The following ACADL variants were observed in gnomAD, a reference collection of about 807,000 sequenced individuals.
The protein encoded by ACADL is acyl-CoA dehydrogenase long chain.
In ACADL, 60 loss-of-function variants were observed where a neutral mutation model predicts 56.9. That is an observed-to-expected ratio of 1.05 (90% CI 0.86 to 1.31). The LOEUF is 1.31. ACADL is among the 50% of genes most tolerant of loss of function. ACADL has a pLI of 0.00. For missense variants in ACADL, 484 were observed against 525.5 expected (o/e 0.92, Z 0.77); for synonymous variants, 158 against 179.7 (o/e 0.88, Z 0.97).
At position 210,210,238 on chromosome 2, in the gene ACADL, A is replaced by G. The variant is rs1325352143; in HGVS notation, c.561T>C (p.Asn187=). 1.2e-6 allele frequency: 2 copies of G among 1,612,390 alleles called. No homozygotes were observed. The highest frequency in any genetic ancestry group is 1.7e-5 in the Admixed American group (1 of 59,980). ...AGSDLQGIKT[N]AKKDGSDWIL... is the part of the protein sequence containing the mutation. ...TCCAGTCACTTCCATCCTTTTTAGC[A>G]TTTGTTTTTATTCCCTGTAAGTCAC... The change falls in exon 5 of 11, where the codon AAT becomes AAC. Residue 187 remains asparagine (N), a synonymous_variant. Transcript: ENST00000233710.
chr2:210,222,444 C>G (rs1375764732), intron 1 of ACADL, among the ~76,000 whole-genome samples: 3 of 146,474 alleles, frequency 2.0e-5, no homozygotes, highest in Non-Finnish European at 4.5e-5. Context: ...ATTGCTTGAG[C>G]TGAGGAGTTT....
chr2:210,191,736 C>A (rs979132623), intron 10 of ACADL, among the ~76,000 whole-genome samples: 1 of 152,054 alleles, frequency 6.6e-6, no homozygotes, highest in Non-Finnish European at 1.5e-5. Flanking sequence ...TTTTTAGAAG[C>A]CTATAGCATT....
intron 3 of ACADL, 145 bp from the exon 4 acceptor site, chr2:210,216,656 T>C (rs921638080): frequency 3.8e-6 from 3 of 787,530 alleles, no homozygotes; most frequent in Non-Finnish European, 6.0e-6. Context: ...GTGTTTTCTC[T>C]TTTTGTTTTT....
intron 4 of ACADL, among the ~76,000 whole-genome samples, chr2:210,212,750 T>C (rs1364007482): frequency 1.3e-5 from 2 of 152,262 alleles, no homozygotes; most frequent in Non-Finnish European, 2.9e-5. Flanking sequence ...ATCAAGATCA[T>C]ATTTATATGC....
At chr2:210,196,329 A>C (rs545915651) in intron 8 of ACADL, among the ~76,000 whole-genome samples, 13 of 151,918 alleles carry the variant, frequency 8.6e-5, no homozygotes, top group African/African-American at 3.1e-4. Flanking sequence ...AAATGGATGA[A>C]TACACCTCCC....
At chr2:210,212,425 C>T (rs189287827) in intron 4 of ACADL, among the ~76,000 whole-genome samples, 29 of 152,178 alleles carry the variant, frequency 1.9e-4, no homozygotes, top group East Asian at 1.5e-3. Context: ...AGGCAAGGAA[C>T]GCCAACAGCC....
chr2:210,222,377 C>T (rs539150517), intron 1 of ACADL, among the ~76,000 whole-genome samples: 3 of 151,768 alleles, frequency 2.0e-5, no homozygotes, highest in Middle Eastern at 3.4e-3. Context: ...ATGTAGTAGG[C>T]GGGGCTTGGT....
chr2:210,217,716 G>A (rs1267231180), intron 3 of ACADL: 4 of 447,320 alleles, frequency 8.9e-6, no homozygotes, highest in Middle Eastern at 6.3e-4. Flanking sequence ...GCATTGACAG[G>A]AAAAAAAAAC....
intron 8 of ACADL, among the ~76,000 whole-genome samples, chr2:210,195,967 A>G (rs1688704495): frequency 1.3e-5 from 2 of 152,210 alleles, no homozygotes; most frequent in Admixed American, 6.5e-5. Flanking sequence ...ATCCCTTCTG[A>G]TATGGTTTGG....
chr2:210,190,260 A>G (rs898818065), intron 10 of ACADL, among the ~76,000 whole-genome samples: 3 of 152,136 alleles, frequency 2.0e-5, no homozygotes, highest in Non-Finnish European at 4.4e-5. Context: ...GAAAGCTTTA[A>G]AAGCTTGAGA....
Position 210,205,653 on chromosome 2 carries a change from A to G in ACADL, c.747T>C (p.His249=), listed in dbSNP as rs1286089603. ...TCACCTGGGCTTTTAATCCCATTTTATGTAGCTTTCGTCCCTTGATAAATC... is the reference window on the plus strand; with the variant it reads ...TCACCTGGGCTTTTAATCCCATTTTGTGTAGCTTTCGTCCCTTGATAAATC... ...MKGFIKGRKL[H]KMGLKAQDTA... The change falls in exon 6 of 11, where the codon CAT becomes CAC. Residue 249 remains histidine (H), a synonymous_variant. Transcript: ENST00000233710. 2 of 1,613,896 alleles carry G rather than the reference A, an allele frequency of 1.2e-6. No individual in the cohort carries two copies. Among genetic ancestry groups the G allele is most frequent in the East Asian group, 2.2e-5 (1 of 44,854 alleles).
chr2:210,208,363 A>G (rs1046481817), intron 5 of ACADL, among the ~76,000 whole-genome samples: 2 of 152,226 alleles, frequency 1.3e-5, no homozygotes, highest in African/African-American at 4.8e-5. Flanking sequence ...AATCTGAACC[A>G]TTTCTACAAC....
At position 210,187,967 on chromosome 2, in the gene ACADL, TAAATC is replaced by T. The variant is rs757178332; in HGVS notation, c.*989_*993del. On this transcript the variant is annotated 3_prime_UTR_variant, in exon 11 of 11. Coordinates refer to ENST00000233710, the MANE Select transcript of ACADL (RefSeq NM_001608.4). ...ATTTTTTGTAATTACTTTTAAGTCT[TAAATC>T]AAATGTCATTTCCTCACTTTTGAAT... 4.0e-4 allele frequency: 61 copies of T among 152,360 alleles called. No homozygotes were observed. The highest frequency in any genetic ancestry group is 7.8e-4 in the Admixed American group (12 of 15,306). The allele number at this position is 152,360 out of a possible 1,614,324, so 9.4% of individuals were successfully genotyped here.
chr2:210,197,602 G>A (rs1415975911), intron 8 of ACADL, among the ~76,000 whole-genome samples: 1 of 152,144 alleles, frequency 6.6e-6, no homozygotes, highest in African/African-American at 2.4e-5. Flanking sequence ...TTAGTTCAAT[G>A]ACACTATGTA....
chr2:210,190,013 A>G (rs557804995), intron 10 of ACADL, among the ~76,000 whole-genome samples: 1 of 152,122 alleles, frequency 6.6e-6, no homozygotes, highest in East Asian at 1.9e-4. Flanking sequence ...TTCCTGGTAG[A>G]CACACTCAAA....
intron 5 of ACADL, among the ~76,000 whole-genome samples, chr2:210,206,134 C>T (rs1377330117): frequency 6.6e-6 from 1 of 151,644 alleles, no homozygotes; most frequent in African/African-American, 2.4e-5. Flanking sequence ...AGAAGGAAGC[C>T]ACTGATAAGA....
chr2:210,221,361 T>G (rs541630248), intron 1 of ACADL, among the ~76,000 whole-genome samples: 1 of 152,170 alleles, frequency 6.6e-6, no homozygotes, highest in Admixed American at 6.5e-5. Context: ...AAAATGGAAT[T>G]ATTTAAGACC....
At chr2:210,216,644 G>T in intron 3 of ACADL, 133 bp from the exon 4 acceptor site, 2 of 838,160 alleles carry the variant, frequency 2.4e-6, no homozygotes, top group Non-Finnish European at 3.7e-6. Context: ...TGACATTCCT[G>T]AGTGTTTTCT....
chr2:210,205,582 TTAACAGTA>T (rs1688872104), intron 6 of ACADL, 42 bp downstream of exon 6: 1 of 1,580,346 alleles, frequency 6.3e-7, no homozygotes, highest in African/African-American at 1.3e-5. Flanking sequence ...TCCTATCTGA[TTAACAGTA>T]AACTCAATTA....
Sources: allele counts gnomAD v4.1 joint callset (sites outside exome capture counted in the v4.1 genomes callset), GRCh38; gene constraint gnomAD v4.1.1; transcripts MANE v1.5; gene names NCBI Gene and HGNC (gene_info 2026-07-23, HGNC 2026-07-21).